Variants in KLF7 observed in about 807,000 individuals in gnomAD.
KLF7 encodes the protein Krueppel-like factor 7.
A neutral mutation model predicts 27.3 loss-of-function variants in KLF7; 2 were observed. That is an observed-to-expected ratio of 0.07 (90% CI 0.03 to 0.23). The LOEUF is 0.23. Among genes scored for constraint, KLF7 ranks in the 10% least tolerant of loss-of-function variants. The probability of loss-of-function intolerance (pLI) is 1.00; values close to 1 mark genes in which losing one functional copy is unlikely to be tolerated. For missense variants in KLF7, 221 were observed against 394.1 expected (o/e 0.56, Z 3.72); for synonymous variants, 165 against 162.4 (o/e 1.02, Z -0.12).
intron 1 of KLF7, among the ~76,000 whole-genome samples, chr2:207,152,821 T>C (rs1472480602): frequency 1.3e-5 from 2 of 152,152 alleles, no homozygotes; most frequent in Non-Finnish European, 2.9e-5. Context: ...GAAGGTGCCT[T>C]AGAGAGATGC....
At chr2:207,164,328 C>G (rs915884093) in intron 1 of KLF7, among the ~76,000 whole-genome samples, 18 of 152,286 alleles carry the variant, frequency 1.2e-4, no homozygotes, top group African/African-American at 4.3e-4. Context: ...AGCCCTCCCC[C>G]CAAGGGCAAG....
chr2:207,116,074 T>G (rs2077174903), intron 2 of KLF7, among the ~76,000 whole-genome samples: 2 of 152,210 alleles, frequency 1.3e-5, no homozygotes. Context: ...TTTGCCTCCA[T>G]CAGGGTGAAG....
At chr2:207,166,931 C>T (rs942970520), upstream of KLF7, 8 of 864,768 alleles carry the variant, frequency 9.3e-6, no homozygotes, top group African/African-American at 1.4e-4. Flanking sequence ...CCCCGCCCCG[C>T]CCCGCGGGCG....
intron 1 of KLF7, chr2:207,149,086 C>G: frequency 8.0e-7 from 1 of 1,243,520 alleles, no homozygotes; most frequent in South Asian, 1.3e-5. Context: ...TTTCCATCAG[C>G]TCTTAGGGAC....
intron 1 of KLF7, among the ~76,000 whole-genome samples, chr2:207,163,359 C>T (rs1023348765): frequency 1.6e-4 from 25 of 152,290 alleles, no homozygotes; most frequent in African/African-American, 5.8e-4. Context: ...GTGAAAAATC[C>T]TTTGCCTGTA....
chr2:207,097,936 C>A (rs774430817), intron 2 of KLF7, among the ~76,000 whole-genome samples: 1 of 152,150 alleles, frequency 6.6e-6, no homozygotes, highest in Non-Finnish European at 1.5e-5. Flanking sequence ...CTGCTCCCCA[C>A]CACCCCGACA....
chr2:207,082,937 G>A (rs1267518299), intron 3 of KLF7, among the ~76,000 whole-genome samples: 1 of 152,180 alleles, frequency 6.6e-6, no homozygotes, highest in African/African-American at 2.4e-5. Flanking sequence ...AGAACTCCAA[G>A]GGAATGAAGT....
chr2:207,077,748 C>G lies in KLF7; in HGVS notation c.*3465G>C, dbSNP rs1295757420. The G allele has an allele frequency of 6.6e-6, 1 of 151,762 alleles. No homozygotes were observed. Among genetic ancestry groups the G allele is most frequent in the African/African-American group, 2.4e-5 (1 of 41,294 alleles). 9.4% of individuals were successfully genotyped at this position (151,762 alleles called of 1,614,324 possible). On this transcript the variant is annotated 3_prime_UTR_variant, in exon 4 of 4. Transcript: ENST00000309446. ...TAATTTCAGGTTTCCATGTCTATGA[C>G]TTACAGTCATGTGGCAGGAGAAAGA...
intron 1 of KLF7, among the ~76,000 whole-genome samples, chr2:207,159,289 C>T (rs1574593029): frequency 6.6e-6 from 1 of 152,194 alleles, no homozygotes; most frequent in African/African-American, 2.4e-5. Flanking sequence ...AAGTATCCAG[C>T]CCACAACATG....
At position 207,075,777 on chromosome 2, in the gene KLF7, T is replaced by A. The variant is rs2076165885; in HGVS notation, c.*5436A>T. Reference sequence around the variant, plus strand: ...AGGAGATCTTGGCCATTAACAGGTGTATTTTTCCTCCCTGGAATGAAGCAG... The same window carrying A: ...AGGAGATCTTGGCCATTAACAGGTGAATTTTTCCTCCCTGGAATGAAGCAG... On this transcript the variant is annotated 3_prime_UTR_variant, in exon 4 of 4. Coordinates refer to ENST00000309446, the MANE Select transcript of KLF7 (RefSeq NM_003709.4). 1.3e-5 allele frequency: 2 copies of A among 152,082 alleles called. No homozygotes were observed. The highest frequency in any genetic ancestry group is 1.3e-4 in the Admixed American group (2 of 15,250). The allele number at this position is 152,082 out of a possible 1,614,324, so 9.4% of individuals were successfully genotyped here. A position where few individuals can be genotyped will look rare whatever the true frequency, so the allele number is the denominator to read the frequency against.
intron 1 of KLF7, among the ~76,000 whole-genome samples, chr2:207,154,461 T>A (rs1017764235): frequency 6.6e-5 from 10 of 152,218 alleles, no homozygotes; most frequent in Admixed American, 3.3e-4. Context: ...AGGGTATTGC[T>A]AGTCCTCCCC....
In KLF7 at chr2:207,078,324, G is replaced by T. The variant is rs868712223; in HGVS notation, c.*2889C>A. ...AGAAAGGTCAGGAGCAGATTACAAA[G>T]GACCTCACTGATACAAAAGAGAGAG... On this transcript the variant is annotated 3_prime_UTR_variant, in exon 4 of 4. Transcript: ENST00000309446. The T allele has an allele frequency of 3.3e-5, 5 of 152,098 alleles. No homozygotes were observed. The highest frequency in any genetic ancestry group is 2.1e-4 in the South Asian group (1 of 4,824). The allele number at this position is 152,098 out of a possible 1,614,324, so 9.4% of individuals were successfully genotyped here.
intron 1 of KLF7, among the ~76,000 whole-genome samples, chr2:207,125,102 A>G (rs2077445269): frequency 6.6e-6 from 1 of 152,252 alleles, no homozygotes; most frequent in African/African-American, 2.4e-5. Context: ...CATAAATCCC[A>G]TTTCAATGGT....
At chr2:207,167,118 G>T (rs2078739257), upstream of KLF7, 19 of 1,431,294 alleles carry the variant, frequency 1.3e-5, no homozygotes, top group Non-Finnish European at 1.7e-5. Flanking sequence ...TTGCGAGGGG[G>T]CCTTTACGTG....
chr2:207,156,614 C>T (rs568276878), intron 1 of KLF7, among the ~76,000 whole-genome samples: 8 of 152,298 alleles, frequency 5.3e-5, no homozygotes, highest in African/African-American at 1.9e-4. Context: ...CACAAAGTTT[C>T]CAAATATGGA....
chr2:207,112,310 G>A (rs1292000222), intron 2 of KLF7, among the ~76,000 whole-genome samples: 1 of 151,900 alleles, frequency 6.6e-6, no homozygotes, highest in Non-Finnish European at 1.5e-5. Flanking sequence ...GTTTCCTTTA[G>A]ACAGGTGTTA....
intron 1 of KLF7, among the ~76,000 whole-genome samples, chr2:207,153,133 T>A (rs896813767): frequency 2.6e-5 from 4 of 152,030 alleles, no homozygotes; most frequent in Non-Finnish European, 4.4e-5. Context: ...AGCGAGTGTA[T>A]ACAGCAAAGC....
At chr2:207,106,192 T>C (rs1231318397) in intron 2 of KLF7, among the ~76,000 whole-genome samples, 1 of 152,224 alleles carries the variant, frequency 6.6e-6, no homozygotes, top group Non-Finnish European at 1.5e-5. Context: ...TTAAGAACAA[T>C]GGCAGCCATT....
At chr2:207,115,767 T>A (rs1313825644) in intron 2 of KLF7, among the ~76,000 whole-genome samples, 1 of 152,194 alleles carries the variant, frequency 6.6e-6, no homozygotes. Context: ...TACAGACTAC[T>A]GAAATTCTAT....
Sources: gnomAD v4.1 joint callset for allele counts (sites outside exome capture counted in the v4.1 genomes callset) on GRCh38, gnomAD v4.1.1 for gene constraint, MANE v1.5 for transcripts, NCBI Gene and HGNC (gene_info 2026-07-23, HGNC 2026-07-21) for gene names.